Variants in TPX2 observed in about 807,000 individuals in gnomAD.
TPX2 encodes the protein TPX2 microtubule nucleation factor.
A neutral mutation model predicts 93.6 loss-of-function variants in TPX2; 21 were observed. That is an observed-to-expected ratio of 0.22 (90% CI 0.16 to 0.32). The LOEUF (loss-of-function observed/expected upper bound fraction) is 0.32, where lower values mean the gene tolerates loss of function less well. Ranked by LOEUF, TPX2 falls within the 10% of genes least tolerant of loss-of-function variation. The probability of loss-of-function intolerance (pLI) is 1.00; values close to 1 mark genes in which losing one functional copy is unlikely to be tolerated. For synonymous variants in TPX2, 281 were observed against 298.3 expected (o/e 0.94, Z 0.60); for missense variants, 776 against 871.1 (o/e 0.89, Z 1.37).
chr20:31,775,382 A>G (rs929719593), intron 7 of TPX2, among the ~76,000 whole-genome samples: 2 of 147,534 alleles, frequency 1.4e-5, no homozygotes, highest in African/African-American at 2.5e-5. Flanking sequence ...GTCTTTATTT[A>G]TTTATTTTTT....
intron 12 of TPX2, among the ~76,000 whole-genome samples, chr20:31,785,672 A>G (rs1263845889): frequency 2.0e-5 from 3 of 151,748 alleles, no homozygotes; most frequent in Non-Finnish European, 4.4e-5. Flanking sequence ...TAATTTTCGT[A>G]TTTATAGTAG....
chr20:31,776,500 G>A (rs2062000488), intron 8 of TPX2, among the ~76,000 whole-genome samples: 1 of 151,604 alleles, frequency 6.6e-6, no homozygotes, highest in African/African-American at 2.4e-5. Context: ...ACATATATTG[G>A]TACTTAAATA....
chr20:31,780,102 A>C (rs1390828567), intron 10 of TPX2, among the ~76,000 whole-genome samples: 1 of 152,104 alleles, frequency 6.6e-6, no homozygotes, highest in African/African-American at 2.4e-5. Flanking sequence ...CCCAGGCTGG[A>C]GTGCAGTGGC....
intron 2 of TPX2, among the ~76,000 whole-genome samples, chr20:31,744,086 A>G (rs1043927065): frequency 2.6e-5 from 4 of 151,746 alleles, no homozygotes; most frequent in Non-Finnish European, 5.9e-5. Context: ...TATGGAACTC[A>G]TAGATACGGA....
intron 2 of TPX2, among the ~76,000 whole-genome samples, chr20:31,747,013 G>T (rs1309304080): frequency 6.6e-6 from 1 of 152,076 alleles, no homozygotes; most frequent in Non-Finnish European, 1.5e-5. Context: ...CTCCTTCTCT[G>T]CACTTCCAGA....
At chr20:31,784,156 G>A (rs1444256033) in intron 12 of TPX2, among the ~76,000 whole-genome samples, 3 of 152,210 alleles carry the variant, frequency 2.0e-5, no homozygotes, top group Non-Finnish European at 4.4e-5. Flanking sequence ...AGAGATGACA[G>A]TTAAAATAGG....
chr20:31,780,925 G>A (rs574275570), intron 10 of TPX2: 2 of 406,648 alleles, frequency 4.9e-6, no homozygotes, highest in Admixed American at 6.2e-5. Context: ...TTTCCTTCTT[G>A]TTTTGCTTTT....
chr20:31,792,029 T>A (rs1330207767), intron 12 of TPX2, among the ~76,000 whole-genome samples: 1 of 152,224 alleles, frequency 6.6e-6, no homozygotes, highest in Non-Finnish European at 1.5e-5. Flanking sequence ...CACAACGATT[T>A]GAAATGTTAG....
intron 1 of TPX2, among the ~76,000 whole-genome samples, chr20:31,740,902 A>G (rs1476300101): frequency 1.3e-5 from 2 of 152,238 alleles, no homozygotes; most frequent in Admixed American, 6.5e-5. Context: ...GGAAGGCACT[A>G]TCTGAATTGA....
In TPX2 at chr20:31,793,969, A is replaced by T. The variant is rs776675121; in HGVS notation, c.1631A>T (p.Asp544Val). 3 of 1,613,652 alleles carry T rather than the reference A, an allele frequency of 1.9e-6. No homozygotes were observed. The highest frequency in any genetic ancestry group is 2.5e-6 in the Non-Finnish European group (3 of 1,179,882). Residue 544 changes from aspartate (D) to valine (V), a missense_variant, in exon 14 of 18, where the codon GAC becomes GTC. Physicochemically the swap from Asp to Val is radical, Grantham distance 152. Transcript: ENST00000300403. Reference sequence around the variant, plus strand: ...TGCCCTTTCTCGTTTGATTCTCGAGACAAAGAACGTCAGTTACAGAAGGAG... The same window carrying T: ...TGCCCTTTCTCGTTTGATTCTCGAGTCAAAGAACGTCAGTTACAGAAGGAG... ...EICPFSFDSR[D>V]KERQLQKEKK...
At chr20:31,780,915 T>C in intron 10 of TPX2, 1 of 397,278 alleles carries the variant, frequency 2.5e-6, no homozygotes, top group Non-Finnish European at 4.9e-6. Context: ...ATTTATTTAT[T>C]TTCCTTCTTG....
intron 12 of TPX2, among the ~76,000 whole-genome samples, chr20:31,786,745 C>T (rs2062069840): frequency 6.6e-6 from 1 of 152,112 alleles, no homozygotes; most frequent in Admixed American, 6.6e-5. Flanking sequence ...ATTGGTTTGT[C>T]AGTTGTGTGT....
chr20:31,792,781 C>T lies in TPX2; in HGVS notation c.1460C>T (p.Pro487Leu), dbSNP rs757927116. The change falls in exon 13 of 18, where the codon CCA (proline) becomes CTA (leucine). Residue 487 changes from proline (P) to leucine (L), a missense_variant. Pro to Leu is a moderately conservative substitution (Grantham distance 98). This residue lies in a region of TPX2 where 461 missense variants were observed against 551.2 expected (regional missense o/e 0.84). Transcript: ENST00000300403. ...KVLPITVPKSPAFALKNRIRM... is the reference protein window; with the variant it reads ...KVLPITVPKSLAFALKNRIRM... ...CTTCCAATCACCGTCCCCAAGTCAC[C>T]AGCCTTTGCATTGAAGAACAGAATT... The T allele has an allele frequency of 1.9e-6, 3 of 1,614,086 alleles. No homozygotes were observed. In the African/African-American group the frequency reaches 4.0e-5, roughly 22 times the overall value.
intron 2 of TPX2, among the ~76,000 whole-genome samples, chr20:31,754,773 A>G (rs937694402): frequency 6.6e-6 from 1 of 152,156 alleles, no homozygotes; most frequent in Non-Finnish European, 1.5e-5. Flanking sequence ...AAAATCAAGG[A>G]TAAGTAATTA....
intron 15 of TPX2, among the ~76,000 whole-genome samples, chr20:31,795,023 G>A (rs1032605088): frequency 5.3e-5 from 8 of 152,018 alleles, no homozygotes; most frequent in African/African-American, 1.7e-4. Flanking sequence ...GGGTTTCACC[G>A]TGTTAGCCAG....
chr20:31,766,413 A>G lies in TPX2; in HGVS notation c.230-143A>G, dbSNP rs562522950. On this transcript the variant is annotated intron_variant, in intron 4 of 17. Transcript: ENST00000300403. ...TAGCTTTTATAAACTGGTCTTCTGT[A>G]TAAGATTTAACTGGAACTAAGGTTT... 1.5e-4 allele frequency: 137 copies of G among 894,996 alleles called. 1 individual carries two copies. In the South Asian group the frequency reaches 3.0e-3, roughly 20 times the overall value. The allele number at this position is 894,996 out of a possible 1,614,324, so 55.4% of individuals were successfully genotyped here.
At position 31,760,127 on chromosome 20, in the gene TPX2, T is replaced by C. The variant is rs767020044; in HGVS notation, c.177T>C (p.Thr59=). The C allele has an allele frequency of 1.2e-6, 2 of 1,613,996 alleles. No individual in the cohort carries two copies. Among genetic ancestry groups the C allele is most frequent in the Admixed American group, 3.3e-5 (2 of 59,986 alleles). ...NGTGGLFQGK[T]PLRKANLQQA... ...CTGGAGGGCTTTTTCAGGGCAAAAC[T>C]CCTTTGAGAAAGGCTAATCTTCAGC... is the stretch of plus-strand genomic sequence containing the variant. The change falls in exon 4 of 18, where the codon ACT becomes ACC. Residue 59 remains threonine (T), a synonymous_variant. Coordinates refer to ENST00000300403, the MANE Select transcript of TPX2 (RefSeq NM_012112.5).
chr20:31,753,772 TC>T (rs1358755255), intron 2 of TPX2, among the ~76,000 whole-genome samples: 31 of 152,280 alleles, frequency 2.0e-4, no homozygotes, highest in Middle Eastern at 3.4e-3. Context: ...ATGCCTGTAA[TC>T]CCAGCACTTT....
At chr20:31,752,033 G>A (rs1034454115) in intron 2 of TPX2, among the ~76,000 whole-genome samples, 1 of 152,156 alleles carries the variant, frequency 6.6e-6, no homozygotes, top group Non-Finnish European at 1.5e-5. Context: ...GTGAGCTACC[G>A]TGCCTGGCCT....
Sources: allele counts gnomAD v4.1 joint callset (sites outside exome capture counted in the v4.1 genomes callset), GRCh38; gene constraint gnomAD v4.1.1; regional missense constraint gnomAD v4.1.1; transcripts MANE v1.5; gene names NCBI Gene and HGNC (gene_info 2026-07-23, HGNC 2026-07-21).